Variants in SPEF2 observed in about 807,000 individuals in gnomAD.
SPEF2 encodes sperm flagellar and cilia associated 2, also known as sperm flagella and cilia-associated protein 2.
Under a neutral mutation model 224.6 loss-of-function variants are expected in SPEF2, and 187 were observed. The ratio of observed to expected loss-of-function variants is 0.83; its 90% CI spans 0.74 to 0.94. SPEF2 has a LOEUF of 0.94. Among genes scored for constraint, SPEF2 ranks in the 40% least tolerant of loss-of-function variants. The probability of loss-of-function intolerance (pLI) is 0.00; values close to 1 mark genes in which losing one functional copy is unlikely to be tolerated. For missense variants in SPEF2, 2,170 were observed against 2,135.6 expected, an observed-to-expected ratio of 1.02 and a Z score of -0.32; for synonymous variants, 715 against 707.3, an observed-to-expected ratio of 1.01 and a Z score of -0.17.
chr5:35,686,239 C>T (rs6894157), intron 10 of SPEF2, among the ~76,000 whole-genome samples: 41,504 of 151,824 alleles, frequency 0.27, 8,196 homozygotes, highest in African/African-American at 0.55. Flanking sequence ...ATCTCTGCAC[C>T]GCTGAAACAA....
intron 2 of SPEF2, chr5:35,633,100 T>A (rs1299895158): frequency 6.6e-6 from 1 of 152,180 alleles, no homozygotes; most frequent in Non-Finnish European, 1.5e-5. Flanking sequence ...GAAGAGAATG[T>A]ATATTCTATT....
intron 6 of SPEF2, among the ~76,000 whole-genome samples, chr5:35,651,716 A>G (rs1416961225): frequency 6.6e-6 from 1 of 152,232 alleles, no homozygotes; most frequent in Non-Finnish European, 1.5e-5. Flanking sequence ...AGAAGGCAAT[A>G]CAGTCTCCCA....
In SPEF2 at chr5:35,799,959, T is replaced by G. The variant is rs1026104057; in HGVS notation, c.4831-9T>G. 3.1e-6 allele frequency: 5 copies of G among 1,613,784 alleles called. No homozygotes were observed. The highest frequency in any genetic ancestry group is 4.2e-6 in the Non-Finnish European group (5 of 1,179,774). ...CCCATTTTATCTTTGGAATTCTTTTTGTGTGCAGTTTTTCTTTAGGCTATT... is the reference window on the plus strand; with the variant it reads ...CCCATTTTATCTTTGGAATTCTTTTGGTGTGCAGTTTTTCTTTAGGCTATT... On this transcript the variant is annotated splice_polypyrimidine_tract_variant and intron_variant, in intron 33 of 36. Transcript: ENST00000356031.
intron 1 of SPEF2, among the ~76,000 whole-genome samples, chr5:35,622,994 C>T (rs750611919): frequency 3.3e-5 from 5 of 152,148 alleles, no homozygotes; most frequent in East Asian, 1.9e-4. Context: ...GGAAAGAAAA[C>T]GTCAGTGTCC....
chr5:35,685,463 G>A (rs965387547), intron 10 of SPEF2, among the ~76,000 whole-genome samples: 1 of 151,960 alleles, frequency 6.6e-6, no homozygotes, highest in African/African-American at 2.4e-5. Flanking sequence ...AGAACACAGG[G>A]ATATACTTAT....
chr5:35,653,309 G>A (rs556203237), intron 6 of SPEF2, among the ~76,000 whole-genome samples: 27 of 152,324 alleles, frequency 1.8e-4, no homozygotes, highest in African/African-American at 6.0e-4. Context: ...TCAGACCTGT[G>A]CTTACATGTG....
chr5:35,724,834 T>G (rs1269615366), intron 20 of SPEF2, among the ~76,000 whole-genome samples: 1 of 152,092 alleles, frequency 6.6e-6, no homozygotes, highest in East Asian at 1.9e-4. Context: ...CCAGACCAAG[T>G]TACTAAAGAC....
Position 35,727,704 on chromosome 5 carries a change from A to G in SPEF2, c.2944A>G (p.Lys982Glu). 1 of 1,613,794 alleles carries G rather than the reference A, an allele frequency of 6.2e-7. No homozygotes were observed. The highest frequency in any genetic ancestry group is 1.1e-5 in the South Asian group (1 of 91,014). The change falls in exon 21 of 37, where the codon AAA becomes GAA. Residue 982 changes from lysine to glutamate, a missense_variant. Physicochemically the swap from Lys to Glu is moderately conservative, Grantham distance 56. Coordinates refer to ENST00000356031, the MANE Select transcript of SPEF2 (RefSeq NM_024867.4). ...TCCTAAAGGAAAATCATCAGGAGGAAAAGTACCAGTAAAGAAATCACCTGC... is the reference window on the plus strand; with the variant it reads ...TCCTAAAGGAAAATCATCAGGAGGAGAAGTACCAGTAAAGAAATCACCTGC... ...GSPKGKSSGG[K>E]VPVKKSPADS...
chr5:35,790,306 C>T lies in SPEF2; in HGVS notation c.4448-2034C>T, dbSNP rs1057141313. ...CATTTATGGAATGCAAGAACACCGT[C>T]TTCAACTGGTGACACAAGATCTAAT... On this transcript the variant is annotated intron_variant, in intron 30 of 36. Transcript: ENST00000356031. 1.3e-5 allele frequency: 8 copies of T among 597,744 alleles called. No homozygotes were observed. In the African/African-American group the frequency reaches 1.5e-4, roughly 11 times the overall value. 37.0% of individuals were successfully genotyped at this position (597,744 alleles called of 1,614,324 possible).
intron 10 of SPEF2, chr5:35,671,538 C>T (rs1751217865): frequency 4.2e-5 from 41 of 981,520 alleles, no homozygotes; most frequent in Non-Finnish European, 4.6e-5. Flanking sequence ...TAAGGTATTT[C>T]TTTCCATTGT....
intron 20 of SPEF2, among the ~76,000 whole-genome samples, chr5:35,726,993 T>G: frequency 7.2e-6 from 1 of 138,484 alleles, no homozygotes. Flanking sequence ...CCCCCCCCCT[T>G]TCCTCCCCTC....
chr5:35,814,443 T>C, intron 36 of SPEF2, 21 bp from the exon 37 acceptor site: 4 of 1,454,980 alleles, frequency 2.7e-6, no homozygotes, highest in Non-Finnish European at 3.8e-6. Flanking sequence ...TTGTAACTTC[T>C]CTTTGAATCT....
intron 18 of SPEF2, among the ~76,000 whole-genome samples, chr5:35,707,666 T>C (rs1740068070): frequency 6.6e-6 from 1 of 152,082 alleles, no homozygotes; most frequent in African/African-American, 2.4e-5. Flanking sequence ...AAGGTGAAAC[T>C]GCATCATGCA....
rs764733847 is a variant in SPEF2, at chr5:35,727,692, T to C, written c.2932T>C (p.Ser978Pro). 45 of 1,613,428 alleles carry C rather than the reference T, an allele frequency of 2.8e-5. No homozygotes were observed. In the Middle Eastern group the frequency reaches 2.5e-3, roughly 89 times the overall value. ...TGTTTAAGGTTCTCCTAAAGGAAAA[T>C]CATCAGGAGGAAAAGTACCAGTAAA... The part of the protein sequence containing the change: ...LKRKGSPKGK[S>P]SGGKVPVKKS... Residue 978 changes from serine (S) to proline (P), a missense_variant, in exon 21 of 37, where the codon TCA becomes CCA. Physicochemically the swap from Ser to Pro is moderately conservative, Grantham distance 74. Transcript: ENST00000356031.
intron 10 of SPEF2, chr5:35,684,028 G>A (rs1580261717): frequency 6.6e-6 from 1 of 152,038 alleles, no homozygotes; most frequent in Non-Finnish European, 1.5e-5. Flanking sequence ...ATAGTCAGAT[G>A]TCTATTTACA....
At chr5:35,670,758 C>T in intron 10 of SPEF2, 1 of 985,228 alleles carries the variant, frequency 1.0e-6, no homozygotes, top group Non-Finnish European at 1.2e-6. Context: ...TGAGATTAGA[C>T]AGACTAGAGC....
chr5:35,777,605 A>G (rs79641038), intron 29 of SPEF2, among the ~76,000 whole-genome samples: 12,788 of 151,852 alleles, frequency 0.084, 670 homozygotes, highest in African/African-American at 0.15. Flanking sequence ...CTGCCCTGTG[A>G]ATCTACAGAT....
chr5:35,641,037 C>T (rs1357985123), intron 2 of SPEF2, among the ~76,000 whole-genome samples: 3 of 152,144 alleles, frequency 2.0e-5, no homozygotes, highest in Non-Finnish European at 4.4e-5. Context: ...AGTTCCATAG[C>T]TGTCAGATTT....
At chr5:35,787,924 G>T (rs1231464953) in intron 30 of SPEF2, 4 of 619,306 alleles carry the variant, frequency 6.5e-6, no homozygotes, top group Admixed American at 2.7e-5. Context: ...GGCCGCAGAA[G>T]CTTGACCATT....
Sources: gnomAD v4.1 joint callset for allele counts (sites outside exome capture counted in the v4.1 genomes callset) on GRCh38, gnomAD v4.1.1 for gene constraint, MANE v1.5 for transcripts, NCBI Gene and HGNC (gene_info 2026-07-23, HGNC 2026-07-21) for gene names.